The following C16orf74 variants were observed in gnomAD, a reference collection of about 807,000 sequenced individuals.
C16orf74 encodes calcimembrin.
Under a neutral mutation model 6.5 loss-of-function variants are expected in C16orf74, and 10 were observed. The observed-to-expected ratio is 1.54, with a 90% CI of 0.95 to 2.61. C16orf74 has a LOEUF of 2.61. C16orf74 is among the 30% of genes most tolerant of loss of function. The probability of loss-of-function intolerance (pLI) is 0.00; values close to 1 mark genes in which losing one functional copy is unlikely to be tolerated. For missense variants in C16orf74, 141 were observed against 105.9 expected, an observed-to-expected ratio of 1.33 and a Z score of -1.45; for synonymous variants, 60 against 42.5, an observed-to-expected ratio of 1.41 and a Z score of -1.60.
chr16:85,734,735 C>G (rs2054225718), intron 2 of C16orf74, among the ~76,000 whole-genome samples: 1 of 152,202 alleles, frequency 6.6e-6, no homozygotes, highest in South Asian at 2.1e-4. Context: ...TGCTAACACC[C>G]ACAACACCCT....
chr16:85,712,747 G>A (rs1007800131), intron 2 of C16orf74, among the ~76,000 whole-genome samples: 6 of 152,230 alleles, frequency 3.9e-5, no homozygotes, highest in African/African-American at 1.4e-4. Flanking sequence ...GGCCCTTTGT[G>A]CAGTAAATAA....
intron 1 of C16orf74, among the ~76,000 whole-genome samples, chr16:85,741,164 G>T (rs2054303016): frequency 6.6e-6 from 1 of 152,222 alleles, no homozygotes; most frequent in Non-Finnish European, 1.5e-5. Flanking sequence ...TCCCAGGGCA[G>T]GATGCGGGCG....
intron 2 of C16orf74, among the ~76,000 whole-genome samples, chr16:85,731,194 G>A (rs2054183880): frequency 6.6e-6 from 1 of 152,214 alleles, no homozygotes; most frequent in Non-Finnish European, 1.5e-5. Context: ...AGGAAGCTGA[G>A]GCCTAGAGAG....
At chr16:85,726,969 C>A (rs2054140226) in intron 2 of C16orf74, among the ~76,000 whole-genome samples, 1 of 152,194 alleles carries the variant, frequency 6.6e-6, no homozygotes, top group African/African-American at 2.4e-5. Context: ...GGTGATGCCA[C>A]CCCTAGCCAC....
chr16:85,713,203 G>A (rs2053987089), intron 2 of C16orf74, among the ~76,000 whole-genome samples: 1 of 152,090 alleles, frequency 6.6e-6, no homozygotes, highest in Non-Finnish European at 1.5e-5. Flanking sequence ...TAGGCTCGTA[G>A]AAGCCTCACC....
chr16:85,707,863 T>A lies in C16orf74; in HGVS notation c.*145A>T, dbSNP rs1237204681. The A allele has an allele frequency of 1.5e-6, 1 of 663,776 alleles. No individual in the cohort carries two copies. Among genetic ancestry groups the A allele is most frequent in the Admixed American group, 2.6e-5 (1 of 39,134 alleles). 41.1% of individuals were successfully genotyped at this position (663,776 alleles called of 1,614,324 possible). A position where few individuals can be genotyped will look rare whatever the true frequency, so the allele number is the denominator to read the frequency against. ...GACAGGCTGGATTCCTCGCTGGTCC[T>A]GCCACGTCTCTCTGAGCGGAGGCCC... On this transcript the variant is annotated 3_prime_UTR_variant, in exon 4 of 4. Coordinates refer to ENST00000284245, the MANE Select transcript of C16orf74 (RefSeq NM_206967.3).
chr16:85,735,755 C>CA (rs954761769), intron 1 of C16orf74, among the ~76,000 whole-genome samples: 12 of 151,894 alleles, frequency 7.9e-5, no homozygotes, highest in African/African-American at 2.9e-4. Flanking sequence ...GTGTGGCCCC[C>CA]CCAGCCCACG....
At chr16:85,709,502 TTA>T (rs2152057191) in intron 3 of C16orf74, among the ~76,000 whole-genome samples, 1 of 61,922 alleles carries the variant, frequency 1.6e-5, no homozygotes, top group African/African-American at 3.6e-5. Context: ...AATGTTATTA[TTA>T]TTATTATTAT....
intron 1 of C16orf74, among the ~76,000 whole-genome samples, chr16:85,738,843 C>A (rs751578276): frequency 3.3e-5 from 5 of 152,136 alleles, no homozygotes; most frequent in South Asian, 4.1e-4. Context: ...GTTAGTGAAT[C>A]CTCACTATAA....
At chr16:85,748,651 T>C (rs2054400945) in intron 1 of C16orf74, among the ~76,000 whole-genome samples, 1 of 152,096 alleles carries the variant, frequency 6.6e-6, no homozygotes, top group Admixed American at 6.6e-5. Context: ...CTGGAATCCA[T>C]AGAAAGGAAT....
chr16:85,717,968 C>G (rs2152059280), intron 2 of C16orf74, among the ~76,000 whole-genome samples: 1 of 152,350 alleles, frequency 6.6e-6, no homozygotes, highest in East Asian at 1.9e-4. Flanking sequence ...GCACCATTCC[C>G]TGTGCCAGCT....
chr16:85,740,397 A>G (rs1414854035), intron 1 of C16orf74, among the ~76,000 whole-genome samples: 1 of 149,570 alleles, frequency 6.7e-6, no homozygotes, highest in African/African-American at 2.5e-5. Context: ...TCTCTACTAA[A>G]AATACAAAAA....
chr16:85,728,949 A>G (rs1421715291), intron 2 of C16orf74, among the ~76,000 whole-genome samples: 1 of 152,098 alleles, frequency 6.6e-6, no homozygotes, highest in Admixed American at 6.5e-5. Flanking sequence ...TGAGTTCCTG[A>G]CTCAGTTGAT....
intron 2 of C16orf74, among the ~76,000 whole-genome samples, chr16:85,716,500 A>G (rs2152058871): frequency 8.9e-6 from 1 of 112,506 alleles, no homozygotes; most frequent in South Asian, 3.5e-4. Flanking sequence ...GAAGGAGAGG[A>G]GGAAGGGAGG....
intron 1 of C16orf74, 95 bp from the exon 2 acceptor site, chr16:85,735,330 C>G: frequency 1.4e-6 from 1 of 737,160 alleles, no homozygotes; most frequent in Non-Finnish European, 2.1e-6. Flanking sequence ...CTGATGAGTG[C>G]AAAACAGGAG....
intron 2 of C16orf74, 128 bp downstream of exon 2, chr16:85,735,062 G>C (rs2054229033): frequency 2.9e-6 from 2 of 687,018 alleles, no homozygotes; most frequent in Admixed American, 3.7e-5. Flanking sequence ...CTGTGTACAG[G>C]ACTGCTTTAA....
intron 2 of C16orf74, among the ~76,000 whole-genome samples, chr16:85,734,570 C>G (rs1184493623): frequency 6.6e-6 from 1 of 152,200 alleles, no homozygotes; most frequent in African/African-American, 2.4e-5. Context: ...GGGCCGCCCA[C>G]GTGACTCCCA....
chr16:85,749,695 C>G lies in C16orf74; in HGVS notation c.-19+1231G>C, dbSNP rs576103914. Among the ~76,000 whole-genome samples the G allele has an allele frequency of 4.6e-5, 7 of 152,358 alleles. No individual in the cohort carries two copies. In the South Asian group the frequency reaches 1.0e-3, roughly 23 times the overall value. ...ATGAGGAGTGCTCCGTAAGCATGAA[C>G]TATCAGTGCGCTCTTCTTCAGTGTC... On this transcript the variant is annotated intron_variant, in intron 1 of 3. Transcript: ENST00000284245.
rs1315890006 is a variant in C16orf74, at chr16:85,735,185, C to T, written c.28+5G>A. The T allele has an allele frequency of 1.9e-6, 3 of 1,605,936 alleles. No homozygotes were observed. The highest frequency in any genetic ancestry group is 2.6e-6 in the Non-Finnish European group (3 of 1,175,896). On this transcript the variant is annotated splice_donor_5th_base_variant and intron_variant, in intron 2 of 3. Transcript: ENST00000284245. ...AGCTGGTGGGGGCAGAGCTTCAGGC[C>T]TTACCTTTCAGGCAGGACATCTTAA... is the stretch of plus-strand genomic sequence containing the variant.
Sources: allele counts gnomAD v4.1 joint callset (sites outside exome capture counted in the v4.1 genomes callset), GRCh38; gene constraint gnomAD v4.1.1; transcripts MANE v1.5; gene names NCBI Gene and HGNC (gene_info 2026-07-23, HGNC 2026-07-21).